Variants in DLGAP2 observed in about 807,000 individuals in gnomAD.
The protein encoded by DLGAP2 is DLG associated protein 2.
In DLGAP2, 26 loss-of-function variants were observed where a neutral mutation model predicts 100.3. The ratio of observed to expected loss-of-function variants is 0.26; its 90% confidence interval spans 0.19 to 0.36. The LOEUF (loss-of-function observed/expected upper bound fraction) is 0.36. Ranked by LOEUF, DLGAP2 falls within the 10% of genes least tolerant of loss-of-function variation. The probability of loss-of-function intolerance (pLI) is 1.00; values close to 1 mark genes in which losing one functional copy is unlikely to be tolerated. For synonymous variants in DLGAP2, 886 were observed against 630.1 expected (o/e 1.41, Z -6.08); for missense variants, 1,858 against 1,453.2 (o/e 1.28, Z -4.53).
At chr8:1,030,715 A>G (rs1801947549) in intron 2 of DLGAP2, among the ~76,000 whole-genome samples, 1 of 152,228 alleles carries the variant, frequency 6.6e-6, no homozygotes, top group South Asian at 2.1e-4. Context: ...TCAGAGAAGC[A>G]GCTGTACTCT....
chr8:1,315,261 GAA>G, intron 3 of DLGAP2, among the ~76,000 whole-genome samples: 1 of 151,778 alleles, frequency 6.6e-6, no homozygotes, highest in South Asian at 2.1e-4. Context: ...CTACACTCGA[GAA>G]ACTCGGCAGC....
intron 2 of DLGAP2, among the ~76,000 whole-genome samples, chr8:1,159,333 T>C (rs1278615883): frequency 6.6e-6 from 1 of 152,216 alleles, no homozygotes; most frequent in Non-Finnish European, 1.5e-5. Context: ...TAAGAAGAGG[T>C]ATAAGGGATA....
intron 1 of DLGAP2, among the ~76,000 whole-genome samples, chr8:824,575 C>A (rs1242218597): frequency 1.3e-5 from 2 of 152,000 alleles, no homozygotes; most frequent in Non-Finnish European, 2.9e-5. Flanking sequence ...CCTGTGTTCC[C>A]CTTGTCCTGG....
At chr8:1,287,157 T>TGCGCGCGC (rs1259394109) in intron 3 of DLGAP2, among the ~76,000 whole-genome samples, 1 of 99,438 alleles carries the variant, frequency 1.0e-5, no homozygotes, top group Admixed American at 1.0e-4. Context: ...TGTGTGTGTG[T>TGCGCGCGC]GCGCGCGCGC....
intron 13 of DLGAP2, among the ~76,000 whole-genome samples, chr8:1,692,982 AT>A (rs1799291684): frequency 6.7e-6 from 1 of 148,434 alleles, no homozygotes; most frequent in African/African-American, 2.4e-5. Context: ...TCTCATATAT[AT>A]TAGATGTATA....
At chr8:1,143,036 C>G (rs1191686267) in intron 2 of DLGAP2, among the ~76,000 whole-genome samples, 1 of 152,148 alleles carries the variant, frequency 6.6e-6, no homozygotes, top group African/African-American at 2.4e-5. Context: ...GGACAGCATC[C>G]CCTCTGCAGG....
chr8:1,372,967 T>C (rs756800274), intron 3 of DLGAP2, among the ~76,000 whole-genome samples: 2 of 152,198 alleles, frequency 1.3e-5, no homozygotes, highest in Non-Finnish European at 2.9e-5. Context: ...TGTGGGGTTA[T>C]GGCCACCTAC....
intron 3 of DLGAP2, among the ~76,000 whole-genome samples, chr8:1,312,504 C>A (rs923989283): frequency 6.6e-6 from 1 of 152,010 alleles, no homozygotes; most frequent in African/African-American, 2.4e-5. Context: ...CACATGGAGA[C>A]AAGAACAGAT....
At chr8:1,208,770 A>G (rs1438589485) in intron 2 of DLGAP2, among the ~76,000 whole-genome samples, 1 of 152,118 alleles carries the variant, frequency 6.6e-6, no homozygotes, top group African/African-American at 2.4e-5. Flanking sequence ...AGGACACAAA[A>G]TCAATGTACA....
intron 3 of DLGAP2, among the ~76,000 whole-genome samples, chr8:1,308,324 A>G (rs1298802567): frequency 6.6e-6 from 1 of 152,198 alleles, no homozygotes; most frequent in African/African-American, 2.4e-5. Flanking sequence ...GGCAAATAAT[A>G]CAGTGTTTTC....
In DLGAP2 at chr8:1,704,379, G is replaced by T. The variant is rs566794924; in HGVS notation, c.*2973G>T. 4.6e-5 allele frequency: 7 copies of T among 152,304 alleles called. No homozygotes were observed. The South Asian group carries it at 8.3e-4, about 18-fold the overall frequency. 9.4% of individuals were successfully genotyped at this position (152,304 alleles called of 1,614,324 possible). On this transcript the variant is annotated 3_prime_UTR_variant, in exon 15 of 15. Coordinates refer to ENST00000637795, the MANE Select transcript of DLGAP2 (RefSeq NM_001346810.2). ...ACACTCTCCTTAGAGCCGACAGGTT[G>T]ATCCTGCTGTGTTGAAGGCTGTGGT...
At chr8:1,066,169 G>A (rs1803241477) in intron 2 of DLGAP2, among the ~76,000 whole-genome samples, 1 of 151,594 alleles carries the variant, frequency 6.6e-6, no homozygotes, top group South Asian at 2.1e-4. Flanking sequence ...GTATGAGCGA[G>A]GACAGTTCCC....
At chr8:1,169,517 T>C (rs997824490) in intron 2 of DLGAP2, among the ~76,000 whole-genome samples, 4 of 152,208 alleles carry the variant, frequency 2.6e-5, no homozygotes, top group African/African-American at 9.6e-5. Flanking sequence ...TCCATGAGCA[T>C]GGAATGTTCT....
intron 7 of DLGAP2, among the ~76,000 whole-genome samples, chr8:1,630,102 G>A (rs1192209683): frequency 6.6e-6 from 1 of 152,068 alleles, no homozygotes; most frequent in Non-Finnish European, 1.5e-5. Flanking sequence ...AGAGTTCTAT[G>A]GCATTACTTT....
intron 6 of DLGAP2, among the ~76,000 whole-genome samples, chr8:1,617,539 C>A (rs553325332): frequency 1.3e-5 from 2 of 152,290 alleles, no homozygotes; most frequent in African/African-American, 4.8e-5. Context: ...TGAAAAGTGT[C>A]TGTTCATGTT....
chr8:1,665,508 C>T (rs1563050334), intron 8 of DLGAP2, among the ~76,000 whole-genome samples: 1 of 151,152 alleles, frequency 6.6e-6, no homozygotes, highest in Non-Finnish European at 1.5e-5. Flanking sequence ...TATCACCTTT[C>T]TGCTCATCTC....
intron 2 of DLGAP2, among the ~76,000 whole-genome samples, chr8:1,022,250 G>A (rs183157557): frequency 0.011 from 1,518 of 142,850 alleles, 14 homozygotes; most frequent in Non-Finnish European, 0.016. Flanking sequence ...CACTCCAGCC[G>A]CCACCCATCC....
intron 3 of DLGAP2, among the ~76,000 whole-genome samples, chr8:1,285,411 C>G (rs962314469): frequency 6.6e-6 from 1 of 151,982 alleles, no homozygotes; most frequent in Admixed American, 6.6e-5. Context: ...TAAGACTGTG[C>G]GTTTAGATTA....
At chr8:1,277,758 C>T (rs1258018866) in intron 3 of DLGAP2, among the ~76,000 whole-genome samples, 1 of 152,138 alleles carries the variant, frequency 6.6e-6, no homozygotes, top group Non-Finnish European at 1.5e-5. Flanking sequence ...GCACCCCCAC[C>T]CTTGGCAGGG....
Sources: allele counts gnomAD v4.1 joint callset (sites outside exome capture counted in the v4.1 genomes callset), GRCh38; gene constraint gnomAD v4.1.1; transcripts MANE v1.5; gene names NCBI Gene and HGNC (gene_info 2026-07-23, HGNC 2026-07-21).